RABGAP1L: variants seen among roughly 807,000 people sequenced by gnomAD.
RABGAP1L encodes the protein RAB GTPase activating protein 1 like.
RABGAP1L carries 63 observed loss-of-function variants against 137.7 expected under a neutral mutation model. The observed-to-expected ratio is 0.46, with a 90% confidence interval of 0.37 to 0.56. The LOEUF (loss-of-function observed/expected upper bound fraction) is 0.56, where lower values mean the gene tolerates loss of function less well. Among genes scored for constraint, RABGAP1L ranks in the 20% least tolerant of loss-of-function variants. RABGAP1L has a pLI of 0.00. For synonymous variants in RABGAP1L, 431 were observed against 433.7 expected (o/e 0.99, Z 0.08); for missense variants, 1,095 against 1,244.0 (o/e 0.88, Z 1.80).
Position 174,674,752 on chromosome 1 carries a change from G to T in RABGAP1L, c.1825-8770G>T, listed in dbSNP as rs931144890. Reference sequence around the variant, plus strand: ...CTCCACATCCTCTCCAGCACCTGTTGTTTCCTAACTTTTTAATGATCGCCA... The same window carrying T: ...CTCCACATCCTCTCCAGCACCTGTTTTTTCCTAACTTTTTAATGATCGCCA... On this transcript the variant is annotated intron_variant, in intron 14 of 25. Transcript: ENST00000681986. 2.6e-5 allele frequency among the ~76,000 whole-genome samples: 4 copies of T among 151,956 alleles called. No individual in the cohort carries two copies. In the South Asian group the frequency reaches 6.2e-4, roughly 24 times the overall value.
intron 18 of RABGAP1L, among the ~76,000 whole-genome samples, chr1:174,808,627 G>GGT (rs746369574): frequency 3.9e-4 from 59 of 150,772 alleles, no homozygotes; most frequent in Admixed American, 7.9e-4. Context: ...TTGTTTTTTT[G>GGT]GTGTGTGTGT....
chr1:174,963,389 T>C (rs900984955), intron 20 of RABGAP1L, among the ~76,000 whole-genome samples: 1 of 152,124 alleles, frequency 6.6e-6, no homozygotes, highest in Non-Finnish European at 1.5e-5. Flanking sequence ...ATATAGCTAA[T>C]AAGGAGTGGG....
chr1:174,757,175 G>C (rs1684833967), intron 18 of RABGAP1L: 3 of 355,674 alleles, frequency 8.4e-6, no homozygotes, highest in Non-Finnish European at 1.7e-5. Context: ...CCTGCCACCT[G>C]GCTGCTCCTG....
intron 11 of RABGAP1L, among the ~76,000 whole-genome samples, chr1:174,313,348 T>C (rs982544886): frequency 6.6e-6 from 1 of 152,204 alleles, no homozygotes; most frequent in Non-Finnish European, 1.5e-5. Context: ...GTTGATGAGT[T>C]TTAATAGTTT....
intron 13 of RABGAP1L, among the ~76,000 whole-genome samples, chr1:174,629,922 TACTC>T (rs995762927): frequency 3.9e-5 from 6 of 152,226 alleles, no homozygotes; most frequent in African/African-American, 1.4e-4. Flanking sequence ...AGAAAAAAAT[TACTC>T]AGTATTGAAT....
intron 15 of RABGAP1L, among the ~76,000 whole-genome samples, chr1:174,693,097 A>G (rs763968422): frequency 6.6e-6 from 1 of 152,230 alleles, no homozygotes; most frequent in African/African-American, 2.4e-5. Context: ...ATACCTTTAT[A>G]CAAAAGAAAA....
intron 13 of RABGAP1L, among the ~76,000 whole-genome samples, chr1:174,492,835 G>A (rs1318082981): frequency 6.6e-6 from 1 of 151,752 alleles, no homozygotes; most frequent in African/African-American, 2.4e-5. Flanking sequence ...TTTTGTGAAG[G>A]GTTTCTTCCT....
chr1:174,266,916 A>G (rs1674119752), intron 7 of RABGAP1L, among the ~76,000 whole-genome samples: 1 of 152,200 alleles, frequency 6.6e-6, no homozygotes, highest in East Asian at 1.9e-4. Flanking sequence ...GCAACAGCAA[A>G]ATGAAGACAG....
In RABGAP1L at chr1:174,252,481, C is replaced by G; in HGVS notation, c.877C>G (p.Pro293Ala). Residue 293 changes from proline (P) to alanine (A), a missense_variant and splice_region_variant, in exon 7 of 26, where the codon CCT becomes GCT. Pro to Ala is a conservative substitution (Grantham distance 27, BLOSUM62 -1). Coordinates refer to ENST00000681986, the MANE Select transcript of RABGAP1L (RefSeq NM_001366446.1). ...KEDDGKGNFS[P>A]VPKDRDKFYF... is the part of the protein sequence containing the mutation. ...TCCTATTCCTTTTGAATATTTCAGC[C>G]CTGTGCCTAAGGATAGAGATAAATT... is the stretch of plus-strand genomic sequence containing the variant. 2 of 1,610,534 alleles carry G rather than the reference C, an allele frequency of 1.2e-6. No homozygotes were observed. The highest frequency in any genetic ancestry group is 2.2e-5 in the South Asian group (2 of 90,402).
At chr1:174,516,417 C>T (rs1391738368) in intron 13 of RABGAP1L, among the ~76,000 whole-genome samples, 1 of 152,018 alleles carries the variant, frequency 6.6e-6, no homozygotes, top group African/African-American at 2.4e-5. Context: ...GGGGGTCTTC[C>T]TATGTTGTCT....
chr1:174,749,736 A>G (rs1173071424), intron 17 of RABGAP1L, among the ~76,000 whole-genome samples: 3 of 152,136 alleles, frequency 2.0e-5, no homozygotes, highest in African/African-American at 7.2e-5. Context: ...TAGACATCCT[A>G]AAAAGGTTCT....
At chr1:174,614,879 A>C (rs530102977) in intron 13 of RABGAP1L, among the ~76,000 whole-genome samples, 11 of 152,224 alleles carry the variant, frequency 7.2e-5, no homozygotes, top group African/African-American at 2.6e-4. Flanking sequence ...TCGGCTCCTG[A>C]GGCTTCTGCA....
chr1:174,694,446 G>A (rs1325531754), intron 15 of RABGAP1L, among the ~76,000 whole-genome samples: 3 of 150,974 alleles, frequency 2.0e-5, no homozygotes, highest in East Asian at 2.0e-4. Flanking sequence ...GAGAATATGC[G>A]GTGTTTGGTT....
chr1:174,352,212 A>G (rs1054615072), intron 11 of RABGAP1L, among the ~76,000 whole-genome samples: 2 of 151,960 alleles, frequency 1.3e-5, no homozygotes, highest in Admixed American at 1.3e-4. Flanking sequence ...TGCCCTTTTG[A>G]AGCTATTTTC....
intron 13 of RABGAP1L, among the ~76,000 whole-genome samples, chr1:174,495,103 A>G (rs948457577): frequency 6.6e-6 from 1 of 152,120 alleles, no homozygotes; most frequent in African/African-American, 2.4e-5. Context: ...CCTGGGTTGT[A>G]AGGCTTATAA....
intron 11 of RABGAP1L, among the ~76,000 whole-genome samples, chr1:174,323,269 A>G (rs970654827): frequency 1.3e-5 from 2 of 152,128 alleles, no homozygotes; most frequent in African/African-American, 4.8e-5. Context: ...TGTATATTAT[A>G]TATAAGGAAG....
Position 174,550,696 on chromosome 1 carries a change from C to G in RABGAP1L, c.1711-86679C>G, listed in dbSNP as rs543078791. Among the ~76,000 whole-genome samples, 10 of 150,904 alleles carry G rather than the reference C, an allele frequency of 6.6e-5. No individual in the cohort carries two copies. In the South Asian group the frequency reaches 1.5e-3, roughly 22 times the overall value. ...ATATAAAAGATCTGAGTAACACAACCAACCTACAGAATCTAACTGGCATTT... is the reference window on the plus strand; with the variant it reads ...ATATAAAAGATCTGAGTAACACAACGAACCTACAGAATCTAACTGGCATTT... On this transcript the variant is annotated intron_variant, in intron 13 of 25. Coordinates refer to ENST00000681986, the MANE Select transcript of RABGAP1L (RefSeq NM_001366446.1).
intron 14 of RABGAP1L, among the ~76,000 whole-genome samples, chr1:174,681,987 A>G (rs536382006): frequency 6.6e-6 from 1 of 152,344 alleles, no homozygotes; most frequent in South Asian, 2.1e-4. Context: ...TCTTTTAAAA[A>G]TATATTTGGC....
At chr1:174,611,376 T>C (rs1671234900) in intron 13 of RABGAP1L, among the ~76,000 whole-genome samples, 1 of 152,116 alleles carries the variant, frequency 6.6e-6, no homozygotes, top group Non-Finnish European at 1.5e-5. Flanking sequence ...AGATATGTGG[T>C]GTTACTTCTG....
Sources: gnomAD v4.1 joint callset for allele counts (sites outside exome capture counted in the v4.1 genomes callset) on GRCh38, gnomAD v4.1.1 for gene constraint, MANE v1.5 for transcripts, NCBI Gene and HGNC (gene_info 2026-07-23, HGNC 2026-07-21) for gene names.